The following HEATR4 variants were observed in gnomAD, a reference collection of about 807,000 sequenced individuals.
The protein encoded by HEATR4 is HEAT repeat-containing protein 4.
In HEATR4, 95 loss-of-function variants were observed where a neutral mutation model predicts 108.8. That is an observed-to-expected ratio of 0.87 (90% CI 0.74 to 1.04). The LOEUF is 1.04. Ranked by LOEUF, HEATR4 falls within the 50% of genes least tolerant of loss-of-function variation. HEATR4 has a pLI of 0.00. For synonymous variants in HEATR4, 443 were observed against 459.4 expected (o/e 0.96, Z 0.46); for missense variants, 1,152 against 1,253.8 (o/e 0.92, Z 1.23).
At chr14:73,559,326 A>C (rs373307911), upstream of HEATR4, among the ~76,000 whole-genome samples, 19 of 149,004 alleles carry the variant, frequency 1.3e-4, no homozygotes, top group African/African-American at 2.5e-4. Context: ...ACCATGTTGG[A>C]CAGGCTGTTC....
chr14:73,527,554 G>GAA (rs59320523), intron 2 of HEATR4, among the ~76,000 whole-genome samples: 6 of 151,474 alleles, frequency 4.0e-5, no homozygotes, highest in Admixed American at 1.3e-4. Context: ...CTTCGCAAAA[G>GAA]AAAAAAAATC....
the HEATR4 span, among the ~76,000 whole-genome samples, chr14:73,565,518 C>T: frequency 2.6e-5 from 4 of 151,806 alleles, no homozygotes; most frequent in African/African-American, 4.8e-5. Context: ...AGAATGAAGC[C>T]GTGGACCCTC....
chr14:73,616,310 A>G, the HEATR4 span, among the ~76,000 whole-genome samples: 3 of 151,636 alleles, frequency 2.0e-5, no homozygotes, highest in African/African-American at 7.3e-5. Context: ...GTTTGTGAAA[A>G]TAATATTATT....
At chr14:73,483,049 G>A (rs1885315972) in intron 17 of HEATR4, among the ~76,000 whole-genome samples, 1 of 152,172 alleles carries the variant, frequency 6.6e-6, no homozygotes, top group Non-Finnish European at 1.5e-5. Context: ...TGTAGCAAGA[G>A]AACCAAATGT....
At chr14:73,491,080 G>A (rs1885687998) in intron 17 of HEATR4, 2 of 1,598,214 alleles carry the variant, frequency 1.3e-6, no homozygotes, top group South Asian at 1.1e-5. Flanking sequence ...GCCGGCGCAA[G>A]CCCCAGCCAC....
intron 12 of HEATR4, 144 bp from the exon 13 acceptor site, chr14:73,499,284 C>T (rs1182393670): frequency 4.2e-6 from 3 of 712,064 alleles, no homozygotes; most frequent in Non-Finnish European, 7.6e-6. Context: ...AGTTTGAGAC[C>T]AGCCTGGCCA....
intron 17 of HEATR4, among the ~76,000 whole-genome samples, chr14:73,479,178 C>T (rs1885141720): frequency 6.6e-6 from 1 of 151,920 alleles, no homozygotes; most frequent in Admixed American, 6.6e-5. Context: ...TGCAGTGGCG[C>T]CATCTCGGCT....
chr14:73,628,529 G>A, the HEATR4 span, among the ~76,000 whole-genome samples: 529 of 152,146 alleles, frequency 3.5e-3, 4 homozygotes, highest in Non-Finnish European at 3.9e-3. Context: ...CGAGGCGGGC[G>A]GATCATCTGA....
chr14:73,544,635 T>A (rs983282984), intron 1 of HEATR4, among the ~76,000 whole-genome samples: 1 of 115,880 alleles, frequency 8.6e-6, no homozygotes, highest in African/African-American at 2.8e-5. Flanking sequence ...ATGACAAATG[T>A]GAAATTCAAT....
the HEATR4 span, among the ~76,000 whole-genome samples, chr14:73,589,504 G>C: frequency 6.6e-6 from 1 of 152,086 alleles, no homozygotes; most frequent in African/African-American, 2.4e-5. Flanking sequence ...ATTGTTAGTG[G>C]AGGCGGGTTT....
chr14:73,502,367 G>A lies in HEATR4; in HGVS notation c.2105+528C>T, dbSNP rs557481571. 3.5e-4 allele frequency among the ~76,000 whole-genome samples: 53 copies of A among 152,188 alleles called. 1 individual carries two copies. Among genetic ancestry groups the A allele is most frequent in the South Asian group, 3.3e-3 (16 of 4,824 alleles). On this transcript the variant is annotated intron_variant, in intron 11 of 17. Transcript: ENST00000553558. Reference sequence around the variant, plus strand: ...TTTTGCATGTGGTCATCAGAATTGCGTCATACTTTTGAACACCCTCCAGCA... The same window carrying A: ...TTTTGCATGTGGTCATCAGAATTGCATCATACTTTTGAACACCCTCCAGCA...
At position 73,522,294 on chromosome 14, in the gene HEATR4, G is replaced by T; in HGVS notation, c.859C>A (p.Leu287Met). 1.2e-6 allele frequency: 2 copies of T among 1,614,080 alleles called. No individual in the cohort carries two copies. The change falls in exon 3 of 18, where the codon CTG (leucine) becomes ATG (methionine). Residue 287 changes from leucine (L) to methionine (M), a missense_variant. Transcript: ENST00000553558. ...TACCTGTAGTAAACGGGAAGCAGCAGTTCTGGCTTCTTCTTTTCCTGTGGG... is the reference window on the plus strand; with the variant it reads ...TACCTGTAGTAAACGGGAAGCAGCATTTCTGGCTTCTTCTTTTCCTGTGGG... ...LPPQEKKKPELLLPVYYRLPS... is the reference protein window; with the variant it reads ...LPPQEKKKPEMLLPVYYRLPS...
chr14:73,590,339 T>G, the HEATR4 span, among the ~76,000 whole-genome samples: 2 of 152,178 alleles, frequency 1.3e-5, no homozygotes, highest in Non-Finnish European at 2.9e-5. Context: ...GGGTGCTGAT[T>G]GGTGTGTTTA....
chr14:73,518,973 G>C (rs1887804612), intron 5 of HEATR4, 50 bp downstream of exon 5: 1 of 1,562,386 alleles, frequency 6.4e-7, no homozygotes. Context: ...ATGGGAAGTA[G>C]CCACATTCCC....
the HEATR4 span, among the ~76,000 whole-genome samples, chr14:73,572,085 G>A: frequency 6.7e-6 from 1 of 148,322 alleles, no homozygotes; most frequent in African/African-American, 2.5e-5. Flanking sequence ...ATATTCATCT[G>A]CTCTGGGCAA....
At chr14:73,616,037 G>C in the HEATR4 span, among the ~76,000 whole-genome samples, 1 of 151,712 alleles carries the variant, frequency 6.6e-6, no homozygotes, top group South Asian at 2.1e-4. Context: ...TGTGATCACA[G>C]GTCACCACAA....
Position 73,492,592 on chromosome 14 carries a change from G to T in HEATR4, c.2844+474C>A. 6.2e-7 allele frequency: 1 copy of T among 1,613,954 alleles called. No homozygotes were observed. Among genetic ancestry groups the T allele is most frequent in the Non-Finnish European group, 8.5e-7 (1 of 1,179,862 alleles). On this transcript the variant is annotated intron_variant, in intron 17 of 17. Transcript: ENST00000553558. This position sits in a 1 kb window ranked among gnomAD's most constrained non-coding sequence, Gnocchi z 4.9. ...GGGAGAGGGCACTAAGTGTTTACGG[G>T]CTTCCAATTCGCTGGGAGGCTGGAG... is the stretch of plus-strand genomic sequence containing the variant.
the HEATR4 span, chr14:73,595,541 G>C: frequency 6.2e-7 from 1 of 1,609,408 alleles, no homozygotes; most frequent in Non-Finnish European, 8.5e-7. Context: ...TGTTATATGG[G>C]GTGGGGAGCC....
chr14:73,619,165 G>A, the HEATR4 span: 33 of 1,494,248 alleles, frequency 2.2e-5, no homozygotes, highest in East Asian at 5.5e-4. Flanking sequence ...CTTGGAGAAT[G>A]TAAAATCACT....
Sources: allele counts gnomAD v4.1 joint callset (sites outside exome capture counted in the v4.1 genomes callset), GRCh38; gene constraint gnomAD v4.1.1; non-coding constraint Gnocchi (gnomAD v3.1); transcripts MANE v1.5; gene names NCBI Gene and HGNC (gene_info 2026-07-23, HGNC 2026-07-21).